The following CLVS2 variants were observed in gnomAD, a reference collection of about 807,000 sequenced individuals.
CLVS2 encodes clavesin-2.
In CLVS2, 19 loss-of-function variants were observed where a neutral mutation model predicts 29.0. That is an observed-to-expected ratio of 0.66 (90% CI 0.46 to 0.96). The LOEUF is 0.96. Ranked by LOEUF, CLVS2 falls within the 40% of genes least tolerant of loss-of-function variation. CLVS2 has a pLI of 0.00. For synonymous variants in CLVS2, 161 were observed against 151.3 expected (o/e 1.06, Z -0.47); for missense variants, 294 against 404.1 (o/e 0.73, Z 2.34).
At chr6:123,060,143 T>C (rs1324705417) in intron 5 of CLVS2, among the ~76,000 whole-genome samples, 1 of 152,208 alleles carries the variant, frequency 6.6e-6, no homozygotes. Flanking sequence ...TATGATATCT[T>C]TAGATTAAGA....
At chr6:123,027,525 A>G (rs1775022070) in intron 3 of CLVS2, among the ~76,000 whole-genome samples, 1 of 152,174 alleles carries the variant, frequency 6.6e-6, no homozygotes, top group Admixed American at 6.5e-5. Context: ...ACCTCAGAAC[A>G]TGAGGACATT....
chr6:123,038,524 C>T (rs893274555), intron 3 of CLVS2, among the ~76,000 whole-genome samples: 20 of 152,030 alleles, frequency 1.3e-4, no homozygotes, highest in Non-Finnish European at 2.2e-4. Context: ...ATGTATAGTA[C>T]ATTGGCCATT....
chr6:123,039,414 A>G (rs914573122), intron 3 of CLVS2, among the ~76,000 whole-genome samples: 11 of 152,206 alleles, frequency 7.2e-5, no homozygotes, highest in African/African-American at 2.4e-4. Flanking sequence ...TGTGACCCTT[A>G]CTGTGCATTT....
chr6:123,037,736 A>C (rs1226961816), intron 3 of CLVS2, among the ~76,000 whole-genome samples: 1 of 152,090 alleles, frequency 6.6e-6, no homozygotes, highest in African/African-American at 2.4e-5. Flanking sequence ...AAAAAAAGCT[A>C]AATTAAACTA....
chr6:123,013,056 A>T (rs1774773863), intron 3 of CLVS2, among the ~76,000 whole-genome samples: 1 of 152,040 alleles, frequency 6.6e-6, no homozygotes, highest in Non-Finnish European at 1.5e-5. Flanking sequence ...AACAATGGTA[A>T]TTCTGAATAA....
chr6:123,043,256 TA>T (rs762474032), intron 3 of CLVS2, among the ~76,000 whole-genome samples: 5 of 152,210 alleles, frequency 3.3e-5, no homozygotes, highest in Non-Finnish European at 5.9e-5. Flanking sequence ...CTCTGGTTGG[TA>T]AAATTATGAA....
rs866826650 is a variant in CLVS2 at position 123,069,388 on chromosome 6, A to G, written c.*5627A>G. On this transcript the variant is annotated 3_prime_UTR_variant, in exon 6 of 6. Coordinates refer to ENST00000275162, the MANE Select transcript of CLVS2 (RefSeq NM_001010852.4). ...AAAATTCAGCCTGATTTGAGAAAGAATGCTTACTCAATAAATATGTATTTG... is the reference window on the plus strand; with the variant it reads ...AAAATTCAGCCTGATTTGAGAAAGAGTGCTTACTCAATAAATATGTATTTG... 6 of 151,960 alleles carry G rather than the reference A, an allele frequency of 3.9e-5. No homozygotes were observed. Among genetic ancestry groups the G allele is most frequent in the East Asian group, 1.9e-4 (1 of 5,168 alleles). The allele number at this position is 151,960 out of a possible 1,614,324, so 9.4% of individuals were successfully genotyped here.
chr6:123,058,181 C>G (rs1227682137), intron 5 of CLVS2, among the ~76,000 whole-genome samples: 4 of 152,008 alleles, frequency 2.6e-5, no homozygotes, highest in Non-Finnish European at 5.9e-5. Flanking sequence ...CTCACAACAA[C>G]CGTGTTAAAC....
rs536792417 is a variant in CLVS2 at position 122,997,449 on chromosome 6, T to A, written c.-329T>A. On this transcript the variant is annotated 5_prime_UTR_variant, in exon 2 of 6. Transcript: ENST00000275162. ...GCTAGGTGGAATTAGGGGTGATTTG[T>A]TAGGAAAGAGAAAGGACAAGAAGAG... 3.2e-6 allele frequency: 1 copy of A among 313,046 alleles called. No homozygotes were observed. Among genetic ancestry groups the A allele is most frequent in the Non-Finnish European group, 6.3e-6 (1 of 159,010 alleles). The allele number at this position is 313,046 out of a possible 1,614,324, so 19.4% of individuals were successfully genotyped here. A position where few individuals can be genotyped will look rare whatever the true frequency, so the allele number is the denominator to read the frequency against.
intron 3 of CLVS2, among the ~76,000 whole-genome samples, chr6:123,032,393 C>T (rs1775094873): frequency 6.6e-6 from 1 of 151,886 alleles, no homozygotes; most frequent in African/African-American, 2.4e-5. Flanking sequence ...TCAGAAATAC[C>T]TATTTATAAT....
At chr6:123,011,607 C>T (rs1309717230) in intron 3 of CLVS2, among the ~76,000 whole-genome samples, 1 of 151,926 alleles carries the variant, frequency 6.6e-6, no homozygotes, top group Non-Finnish European at 1.5e-5. Context: ...CTCTAAGATG[C>T]AAAGATCATC....
At chr6:123,002,616 A>AAATAAAATAAAATAG in intron 2 of CLVS2, among the ~76,000 whole-genome samples, 1 of 152,086 alleles carries the variant, frequency 6.6e-6, no homozygotes, top group South Asian at 2.1e-4. Flanking sequence ...AAATAAAATA[A>AAATAAAATAAAATAG]AATGAACAGG....
intron 3 of CLVS2, among the ~76,000 whole-genome samples, chr6:123,031,829 A>C (rs1015643819): frequency 4.0e-5 from 6 of 151,588 alleles, no homozygotes; most frequent in Admixed American, 4.0e-4. Context: ...CCTCATTATG[A>C]GGGACTTGGT....
rs948577779 is a variant in CLVS2, at chr6:123,066,529, C to G, written c.*2768C>G. 1.1e-4 allele frequency: 16 copies of G among 151,760 alleles called. No homozygotes were observed. The highest frequency in any genetic ancestry group is 1.5e-4 in the Non-Finnish European group (10 of 67,780). The allele number at this position is 151,760 out of a possible 1,614,324, so 9.4% of individuals were successfully genotyped here. ...GAATGGTCCAGTAGTCCATTTACTT[C>G]TTTCACCCTGCCTGTTCCATCTTCT... On this transcript the variant is annotated 3_prime_UTR_variant, in exon 6 of 6. Transcript: ENST00000275162.
rs1394874285 is a variant in CLVS2, at chr6:123,071,781, A to G, written c.*8020A>G. The G allele has an allele frequency of 1.3e-5, 2 of 151,960 alleles. No homozygotes were observed. The highest frequency in any genetic ancestry group is 2.1e-4 in the South Asian group (1 of 4,832). The allele number at this position is 151,960 out of a possible 1,614,324, so 9.4% of individuals were successfully genotyped here. On this transcript the variant is annotated 3_prime_UTR_variant, in exon 6 of 6. Coordinates refer to ENST00000275162, the MANE Select transcript of CLVS2 (RefSeq NM_001010852.4). ...CTTTCCATGATCTTGAAATCTATAT[A>G]TTATAGTCATTTAGTCTGTGAACCA...
intron 3 of CLVS2, among the ~76,000 whole-genome samples, chr6:123,027,469 A>G (rs959221400): frequency 6.6e-5 from 10 of 152,144 alleles, no homozygotes; most frequent in Non-Finnish European, 1.2e-4. Flanking sequence ...TCCCATTCAC[A>G]TTTTTCTTCC....
intron 2 of CLVS2, among the ~76,000 whole-genome samples, chr6:123,004,408 C>T (rs556809265): frequency 6.6e-6 from 1 of 152,288 alleles, no homozygotes; most frequent in South Asian, 2.1e-4. Context: ...ATCTAATCTT[C>T]TGTGCTCAGT....
At chr6:123,006,400 G>A (rs1160604395) in intron 2 of CLVS2, among the ~76,000 whole-genome samples, 3 of 152,062 alleles carry the variant, frequency 2.0e-5, no homozygotes, top group Non-Finnish European at 4.4e-5. Flanking sequence ...AATTTTTCAG[G>A]CCAATTAATG....
At chr6:123,028,423 G>A (rs1457753392) in intron 3 of CLVS2, among the ~76,000 whole-genome samples, 1 of 152,168 alleles carries the variant, frequency 6.6e-6, no homozygotes, top group African/African-American at 2.4e-5. Context: ...AGTTTGGGAG[G>A]CCGAGGCAAG....
Sources: allele counts gnomAD v4.1 joint callset (sites outside exome capture counted in the v4.1 genomes callset), GRCh38; gene constraint gnomAD v4.1.1; transcripts MANE v1.5; gene names NCBI Gene and HGNC (gene_info 2026-07-23, HGNC 2026-07-21).